Variants in MMP16 observed in about 807,000 individuals in gnomAD.
MMP16 encodes the protein matrix metallopeptidase 16.
A neutral mutation model predicts 67.8 loss-of-function variants in MMP16; 12 were observed. That is an observed-to-expected ratio of 0.18 (90% CI 0.11 to 0.29). The LOEUF is 0.29. MMP16 is among the 10% of genes least tolerant of loss of function. The probability of loss-of-function intolerance (pLI) is 1.00; values close to 1 mark genes in which losing one functional copy is unlikely to be tolerated. For synonymous variants in MMP16, 249 were observed against 255.9 expected, an observed-to-expected ratio of 0.97 and a Z score of 0.26; for missense variants, 475 against 765.7, an observed-to-expected ratio of 0.62 and a Z score of 4.48.
chr8:88,322,803 T>C (rs1478207690), intron 1 of MMP16, among the ~76,000 whole-genome samples: 1 of 152,032 alleles, frequency 6.6e-6, no homozygotes, highest in Non-Finnish European at 1.5e-5. Flanking sequence ...TATGATCACG[T>C]CATGTAATGG....
chr8:88,208,192 C>A (rs527964490), intron 1 of MMP16, among the ~76,000 whole-genome samples: 11 of 149,896 alleles, frequency 7.3e-5, no homozygotes, highest in African/African-American at 2.7e-4. Context: ...AGAACCAGCA[C>A]CAAGCTTTCA....
chr8:88,239,826 G>A (rs2129897954), intron 1 of MMP16, among the ~76,000 whole-genome samples: 1 of 152,308 alleles, frequency 6.6e-6, no homozygotes, highest in Admixed American at 6.5e-5. Context: ...CTGGTTAGAA[G>A]AGATATAATT....
At chr8:88,315,381 C>A (rs1811361629) in intron 1 of MMP16, among the ~76,000 whole-genome samples, 1 of 152,058 alleles carries the variant, frequency 6.6e-6, no homozygotes, top group African/African-American at 2.4e-5. Context: ...ATTTATTTGA[C>A]TATGGAATGT....
chr8:88,034,815 C>T lies in MMP16; in HGVS notation c.*6646G>A, dbSNP rs1263750329. 1 of 152,024 alleles carries T rather than the reference C, an allele frequency of 6.6e-6. No individual in the cohort carries two copies. Among genetic ancestry groups the T allele is most frequent in the Non-Finnish European group, 1.5e-5 (1 of 67,954 alleles). 9.4% of individuals were successfully genotyped at this position (152,024 alleles called of 1,614,324 possible). ...CACACCAGGCTTCATTCAACCATGT[C>T]TTGGCAAGACAGGCCAATGTAGCGA... On this transcript the variant is annotated 3_prime_UTR_variant, in exon 10 of 10. Coordinates refer to ENST00000286614, the MANE Select transcript of MMP16 (RefSeq NM_005941.5).
At chr8:88,149,866 G>A (rs1365897673) in intron 4 of MMP16, among the ~76,000 whole-genome samples, 1 of 149,792 alleles carries the variant, frequency 6.7e-6, no homozygotes, top group Non-Finnish European at 1.5e-5. Context: ...GATGGAGAAT[G>A]ACTTTGATGA....
intron 4 of MMP16, among the ~76,000 whole-genome samples, chr8:88,136,096 G>A (rs1250974369): frequency 1.3e-5 from 2 of 151,906 alleles, no homozygotes; most frequent in African/African-American, 4.8e-5. Context: ...GTAGAAGACA[G>A]AGTGAGTAGC....
At chr8:88,298,880 C>A (rs1811054775) in intron 1 of MMP16, among the ~76,000 whole-genome samples, 2 of 151,644 alleles carry the variant, frequency 1.3e-5, no homozygotes, top group African/African-American at 4.8e-5. Flanking sequence ...AATTTCAATA[C>A]CTGGTTATAA....
intron 6 of MMP16, among the ~76,000 whole-genome samples, chr8:88,108,302 G>A (rs528662709): frequency 6.0e-5 from 9 of 151,240 alleles, no homozygotes; most frequent in Non-Finnish European, 1.3e-4. Flanking sequence ...GAAACGGCTA[G>A]CTATCTAACC....
intron 4 of MMP16, among the ~76,000 whole-genome samples, chr8:88,139,545 C>T (rs181988022): frequency 3.9e-5 from 6 of 152,164 alleles, no homozygotes; most frequent in African/African-American, 1.4e-4. Flanking sequence ...ACACAGTCTA[C>T]GTATTTATTG....
intron 1 of MMP16, among the ~76,000 whole-genome samples, chr8:88,260,132 G>T (rs1029523537): frequency 6.6e-6 from 1 of 152,118 alleles, no homozygotes; most frequent in Non-Finnish European, 1.5e-5. Context: ...AAGAAGACAT[G>T]AAGTGATAAA....
chr8:88,298,478 C>G (rs1811045688), intron 1 of MMP16, among the ~76,000 whole-genome samples: 1 of 152,314 alleles, frequency 6.6e-6, no homozygotes, highest in Non-Finnish European at 1.5e-5. Context: ...AATTCTACAA[C>G]TGTACTTCCA....
chr8:88,196,150 C>T (rs1412028197), intron 2 of MMP16, among the ~76,000 whole-genome samples: 3 of 152,166 alleles, frequency 2.0e-5, no homozygotes, highest in African/African-American at 7.2e-5. Context: ...TAGCCTTTGA[C>T]ATTTAGTTCC....
intron 1 of MMP16, among the ~76,000 whole-genome samples, chr8:88,289,196 A>G (rs1167791204): frequency 6.6e-6 from 1 of 152,182 alleles, no homozygotes; most frequent in Non-Finnish European, 1.5e-5. Flanking sequence ...AGACTGCAGC[A>G]CACTGGAGGG....
intron 1 of MMP16, among the ~76,000 whole-genome samples, chr8:88,319,040 G>A (rs527276291): frequency 1.8e-4 from 28 of 152,166 alleles, no homozygotes; most frequent in African/African-American, 6.5e-4. Context: ...CTACAGACAG[G>A]CAATAAAGAT....
intron 1 of MMP16, among the ~76,000 whole-genome samples, chr8:88,226,335 C>G (rs914537171): frequency 6.6e-6 from 1 of 152,006 alleles, no homozygotes; most frequent in African/African-American, 2.4e-5. Flanking sequence ...CTTATTAAAA[C>G]TGACTATATT....
In MMP16 at chr8:88,117,411, T is replaced by C. The variant is rs901379448; in HGVS notation, c.872-693A>G. Among the ~76,000 whole-genome samples the C allele has an allele frequency of 3.3e-5, 5 of 152,254 alleles. 1 individual carries two copies. Among genetic ancestry groups the C allele is most frequent in the Admixed American group, 6.5e-5 (1 of 15,296 alleles). ...AATTTGGTACAGATGTAAAGCATCATTCTCAAGAGATTCATGTTTTTAAAA... is the reference window on the plus strand; with the variant it reads ...AATTTGGTACAGATGTAAAGCATCACTCTCAAGAGATTCATGTTTTTAAAA... On this transcript the variant is annotated intron_variant, in intron 5 of 9. Coordinates refer to ENST00000286614, the MANE Select transcript of MMP16 (RefSeq NM_005941.5).
intron 1 of MMP16, among the ~76,000 whole-genome samples, chr8:88,282,319 C>T (rs1409553668): frequency 6.6e-6 from 1 of 152,122 alleles, no homozygotes; most frequent in African/African-American, 2.4e-5. Context: ...GTGATCCACC[C>T]ACCTCAGCCT....
rs369051544 is a variant in MMP16, at chr8:88,242,604, T to C, written c.133-45298A>G. ...ACAGAAATGCACTGTCATTGAGTCA[T>C]CCAAGTAACTTACACTGAGTCACAG... On this transcript the variant is annotated intron_variant, in intron 1 of 9. Transcript: ENST00000286614. Among the ~76,000 whole-genome samples, 263 of 152,280 alleles carry C rather than the reference T, an allele frequency of 1.7e-3. 8 individuals carry two copies. In the South Asian group the frequency reaches 0.051, roughly 30 times the overall value.
At chr8:88,224,991 C>T (rs1218618908) in intron 1 of MMP16, among the ~76,000 whole-genome samples, 5 of 151,886 alleles carry the variant, frequency 3.3e-5, no homozygotes, top group Non-Finnish European at 7.4e-5. Flanking sequence ...ATCTTTTTTG[C>T]TGTTCCCTGA....
Sources: gnomAD v4.1 joint callset for allele counts (sites outside exome capture counted in the v4.1 genomes callset) on GRCh38, gnomAD v4.1.1 for gene constraint, MANE v1.5 for transcripts, NCBI Gene and HGNC (gene_info 2026-07-23, HGNC 2026-07-21) for gene names.